Variants in FAM47C observed in about 807,000 individuals in gnomAD.
FAM47C encodes family with sequence similarity 47 member C.
For missense variants in FAM47C, 847 were observed against 879.9 expected, an observed-to-expected ratio of 0.96 and a Z score of 0.47; for synonymous variants, 307 against 346.5, an observed-to-expected ratio of 0.89 and a Z score of 1.27.
Position 37,009,397 on chromosome X carries a change from T to G in FAM47C, c.987T>G (p.His329Gln), listed in dbSNP as rs1927699924. 4 of 1,205,364 alleles carry G rather than the reference T, an allele frequency of 3.3e-6. No individual in the cohort carries two copies. Among genetic ancestry groups the G allele is most frequent in the Non-Finnish European group, 4.5e-6 (4 of 893,650 alleles). ...AGCCTTCTGAGACTGGAGTGTCCCA[T>G]CTCCACCCAGAGCCTCCCAAGACTC... ...RPEPSETGVSHLHPEPPKTLV... is the reference protein window; with the variant it reads ...RPEPSETGVSQLHPEPPKTLV... Residue 329 changes from histidine to glutamine, a missense_variant, in exon 1 of 1, where the codon CAT (histidine) becomes CAG (glutamine). By Grantham distance (24) the His-to-Gln change is conservative. Transcript: ENST00000358047.
Position 37,008,500 on chromosome X carries a change from C to T in FAM47C, c.90C>T (p.Phe30=), listed in dbSNP as rs1556331280. Residue 30 remains phenylalanine, a synonymous_variant, in exon 1 of 1, where the codon TTC becomes TTT. Coordinates refer to ENST00000358047, the MANE Select transcript of FAM47C (RefSeq NM_001013736.3). Reference sequence around the variant, plus strand: ...GTGACAAACCGCCTTCCAAGTACTTCGCGAAGCGCAAGCACAGGCGCCTGA... The same window carrying T: ...GTGACAAACCGCCTTCCAAGTACTTTGCGAAGCGCAAGCACAGGCGCCTGA... ...WYCDKPPSKY[F]AKRKHRRLRF... 8.2e-7 allele frequency: 1 copy of T among 1,212,402 alleles called. No homozygotes were observed. The highest frequency in any genetic ancestry group is 1.1e-6 in the Non-Finnish European group (1 of 895,571).
chrX:37,010,054 A>G lies in FAM47C; in HGVS notation c.1644A>G (p.Pro548=), dbSNP rs73631164. 174,925 of 1,182,584 alleles carry G rather than the reference A, an allele frequency of 0.15. 17,703 individuals carry two copies. The highest frequency in any genetic ancestry group is 0.77 in the African/African-American group (36,855 of 47,849). The change falls in exon 1 of 1, where the codon CCA becomes CCG. Residue 548 remains proline (P), a synonymous_variant. Coordinates refer to ENST00000358047, the MANE Select transcript of FAM47C (RefSeq NM_001013736.3). ...PPESSVSHLR[P]EPPETGVSHL... is the part of the protein sequence containing the mutation. The stretch of plus-strand genomic sequence containing the variant: ...AGAGTAGCGTATCTCATCTCCGCCC[A>G]GAGCCTCCTGAGACTGGAGTGTCCC...
In FAM47C at chrX:37,008,379, A is replaced by G. The variant is rs782195566; in HGVS notation, c.-32A>G. 1.8e-5 allele frequency: 21 copies of G among 1,154,534 alleles called. No homozygotes were observed. Among genetic ancestry groups the G allele is most frequent in the Non-Finnish European group, 2.3e-5 (20 of 865,608 alleles). ...GCGTCAGGGATCAGGAACCGCGGAA[A>G]CTGGAGAGGTGGCACCCCAGCGAGG... is the stretch of plus-strand genomic sequence containing the variant. On this transcript the variant is annotated 5_prime_UTR_variant, in exon 1 of 1. Coordinates refer to ENST00000358047, the MANE Select transcript of FAM47C (RefSeq NM_001013736.3).
rs1556331612 is a variant in FAM47C, at chrX:37,008,956, C to T, written c.546C>T (p.Pro182=). The change falls in exon 1 of 1, where the codon CCC becomes CCT. Residue 182 remains proline, a synonymous_variant. Coordinates refer to ENST00000358047, the MANE Select transcript of FAM47C (RefSeq NM_001013736.3). The stretch of plus-strand genomic sequence containing the variant: ...AACCCACGGAGCCTGGTAAATACCC[C>T]TGTGGGGAATTCTCCCCTCGGCCTC... ...TDEPTEPGKY[P]CGEFSPRPPE... The T allele has an allele frequency of 4.1e-6, 5 of 1,211,835 alleles. No homozygotes were observed. The highest frequency in any genetic ancestry group is 5.6e-6 in the Non-Finnish European group (5 of 895,362).
Position 37,010,699 on chromosome X carries a change from C to T in FAM47C, c.2289C>T (p.Arg763=). Residue 763 remains arginine (R), a synonymous_variant, in exon 1 of 1, where the codon CGC becomes CGT. Transcript: ENST00000358047. ...EPLETRVSHL[R]PEPPETGVSH... ...TTGAGACTCGCGTATCTCATCTCCG[C>T]CCGGAGCCTCCTGAGACTGGAGTGT... The T allele has an allele frequency of 2.5e-6, 3 of 1,210,151 alleles. No individual in the cohort carries two copies. The highest frequency in any genetic ancestry group is 3.4e-6 in the Non-Finnish European group (3 of 895,008).
chrX:37,009,550 G>C lies in FAM47C; in HGVS notation c.1140G>C (p.Pro380=). Residue 380 remains proline (P), a synonymous_variant, in exon 1 of 1, where the codon CCG becomes CCC. Transcript: ENST00000358047. ...PPEAGVSHLC[P]EPPKTRVPPL... is the part of the protein sequence containing the mutation. ...AGGCTGGAGTGTCCCATCTCTGCCC[G>C]GAACCTCCCAAGACTCGCGTACCTC... 2 of 1,194,571 alleles carry C rather than the reference G, an allele frequency of 1.7e-6. No homozygotes were observed. Among genetic ancestry groups the C allele is most frequent in the Non-Finnish European group, 2.3e-6 (2 of 888,845 alleles).
Position 37,011,018 on chromosome X carries a change from A to G in FAM47C, c.2608A>G (p.Ser870Gly), listed in dbSNP as rs782129193. ...DLGVNEESIS[S>G]LFDFTPECRA... ...AGGAGTTAATGAAGAATCCATCAGCAGTCTGTTTGACTTTACCCCTGAGTG... is the reference window on the plus strand; with the variant it reads ...AGGAGTTAATGAAGAATCCATCAGCGGTCTGTTTGACTTTACCCCTGAGTG... Residue 870 changes from serine to glycine, a missense_variant, in exon 1 of 1, where the codon AGT becomes GGT. By Grantham distance (56) the Ser-to-Gly change is moderately conservative (BLOSUM62 0). Coordinates refer to ENST00000358047, the MANE Select transcript of FAM47C (RefSeq NM_001013736.3). 7 of 1,210,816 alleles carry G rather than the reference A, an allele frequency of 5.8e-6. No individual in the cohort carries two copies. The highest frequency in any genetic ancestry group is 7.8e-6 in the Non-Finnish European group (7 of 895,473).
At position 37,009,003 on chromosome X, in the gene FAM47C, T is replaced by TC. The variant is rs781999384; in HGVS notation, c.599dup (p.Glu201GlyfsTer100). 1 of 1,210,810 alleles carries TC rather than the reference T, an allele frequency of 8.3e-7. No individual in the cohort carries two copies. The highest frequency in any genetic ancestry group is 1.1e-6 in the Non-Finnish European group (1 of 895,162). ...CCTCCCGAGACTCGGGTGTCCTGTCTCCCCCCGGAGCCTCCCAAGACTCCG... is the reference window on the plus strand; with the variant it reads ...CCTCCCGAGACTCGGGTGTCCTGTCTCCCCCCCGGAGCCTCCCAAGACTCCG... On this transcript the variant is annotated frameshift_variant, in exon 1 of 1. Transcript: ENST00000358047. LOFTEE classifies it low-confidence loss of function (END_TRUNC).
In FAM47C at chrX:37,011,576, C is replaced by T. The variant is rs1927803922; in HGVS notation, c.*58C>T. 16 of 1,030,587 alleles carry T rather than the reference C, an allele frequency of 1.6e-5. No homozygotes were observed. The highest frequency in any genetic ancestry group is 2.0e-5 in the Non-Finnish European group (15 of 764,606). 84.9% of individuals were successfully genotyped at this position (1,030,587 alleles called of 1,213,427 possible). A position where few individuals can be genotyped will look rare whatever the true frequency, so the allele number is the denominator to read the frequency against. ...TCTTGCTCTCATTTTAAACATCAGT[C>T]AGAATTTATGATGACTGGCCCCAGG... On this transcript the variant is annotated 3_prime_UTR_variant, in exon 1 of 1. Transcript: ENST00000358047.
chrX:37,011,506 G>A lies in FAM47C; in HGVS notation c.3096G>A (p.Ser1032=), dbSNP rs146796397. The change falls in exon 1 of 1, where the codon TCG becomes TCA. Residue 1032 remains serine (S), a synonymous_variant. Transcript: ENST00000358047. ...YKYKEDVTDA[S]EED is the part of the protein sequence containing the mutation. ...ACAAAGAAGACGTCACAGATGCATC[G>A]GAAGAAGATTAGATGGTTTTGAATT... The A allele has an allele frequency of 1.5e-4, 182 of 1,180,023 alleles. 1 individual carries two copies. The highest frequency in any genetic ancestry group is 2.0e-4 in the Non-Finnish European group (172 of 879,516).
rs1927711178 is a variant in FAM47C at position 37,009,603 on chromosome X, G to A, written c.1193G>A (p.Gly398Glu). 5.0e-6 allele frequency: 6 copies of A among 1,204,896 alleles called. No individual in the cohort carries two copies. In the African/African-American group the frequency reaches 1.1e-4, roughly 22 times the overall value. Residue 398 changes from glycine to glutamate, a missense_variant, in exon 1 of 1, where the codon GGA (glycine) becomes GAA (glutamate). By Grantham distance (98) the Gly-to-Glu change is moderately conservative. Coordinates refer to ENST00000358047, the MANE Select transcript of FAM47C (RefSeq NM_001013736.3). ...PPLRPETPKN[G>E]VSPLFPEPPK... is the part of the protein sequence containing the mutation. ...CTCCGCCCAGAGACCCCCAAGAATG[G>A]AGTGTCTCCTCTCTTCCCGGAGCCT...
rs1927782548 is a variant in FAM47C at position 37,010,932 on chromosome X, A to C, written c.2522A>C (p.Asp841Ala). The change falls in exon 1 of 1, where the codon GAC becomes GCC. Residue 841 changes from aspartate to alanine, a missense_variant. Coordinates refer to ENST00000358047, the MANE Select transcript of FAM47C (RefSeq NM_001013736.3). Reference sequence around the variant, plus strand: ...TCAAGCACAATGGAGTGTGTTTCTGACTCTCTTCAACGTAGACACACATCG... The same window carrying C: ...TCAAGCACAATGGAGTGTGTTTCTGCCTCTCTTCAACGTAGACACACATCG... ...GTSSTMECVS[D>A]SLQRRHTSRK... is the part of the protein sequence containing the mutation. 1 of 1,211,490 alleles carries C rather than the reference A, an allele frequency of 8.3e-7. No individual in the cohort carries two copies. The highest frequency in any genetic ancestry group is 1.7e-5 in the African/African-American group (1 of 57,644).
In FAM47C at chrX:37,008,500, C is replaced by G. The variant is rs1556331280; in HGVS notation, c.90C>G (p.Phe30Leu). 4 of 1,211,510 alleles carry G rather than the reference C, an allele frequency of 3.3e-6. No homozygotes were observed. Among genetic ancestry groups the G allele is most frequent in the Non-Finnish European group, 4.5e-6 (4 of 895,425 alleles). The change falls in exon 1 of 1, where the codon TTC becomes TTG. Residue 30 changes from phenylalanine (F) to leucine (L), a missense_variant. By Grantham distance (22) the Phe-to-Leu change is conservative. Transcript: ENST00000358047. ...WYCDKPPSKYFAKRKHRRLRF... is the reference protein window; with the variant it reads ...WYCDKPPSKYLAKRKHRRLRF... ...GTGACAAACCGCCTTCCAAGTACTTCGCGAAGCGCAAGCACAGGCGCCTGA... is the reference window on the plus strand; with the variant it reads ...GTGACAAACCGCCTTCCAAGTACTTGGCGAAGCGCAAGCACAGGCGCCTGA...
At position 37,010,326 on chromosome X, in the gene FAM47C, T is replaced by A; in HGVS notation, c.1916T>A (p.Met639Lys). ...CGCCCAGAGCCTCCCAAGACTCGGA[T>A]GTACAGTCTCCGCCCGGAGCCTCCC... Reference protein sequence around the residue: ...HLRPEPPKTRMYSLRPEPPNT... With the variant: ...HLRPEPPKTRKYSLRPEPPNT... Residue 639 changes from methionine to lysine, a missense_variant, in exon 1 of 1, where the codon ATG becomes AAG. Physicochemically the swap from Met to Lys is moderately conservative, Grantham distance 95 (BLOSUM62 -1). Coordinates refer to ENST00000358047, the MANE Select transcript of FAM47C (RefSeq NM_001013736.3). 3 of 1,186,836 alleles carry A rather than the reference T, an allele frequency of 2.5e-6. No homozygotes were observed. The highest frequency in any genetic ancestry group is 3.4e-6 in the Non-Finnish European group (3 of 888,172).
At position 37,008,844 on chromosome X, in the gene FAM47C, T is replaced by G. The variant is rs782442487; in HGVS notation, c.434T>G (p.Leu145Arg). 10 of 1,210,222 alleles carry G rather than the reference T, an allele frequency of 8.3e-6. No individual in the cohort carries two copies. Among genetic ancestry groups the G allele is most frequent in the African/African-American group, 1.7e-5 (1 of 57,175 alleles). Reference sequence around the variant, plus strand: ...CTGGGAGAAGATATGCCTCCAGATCTCCTACTACAGGTACTGAAACCGCTG... The same window carrying G: ...CTGGGAGAAGATATGCCTCCAGATCGCCTACTACAGGTACTGAAACCGCTG... Reference protein sequence around the residue: ...PNLGEDMPPDLLLQVLKPLDP... With the variant: ...PNLGEDMPPDRLLQVLKPLDP... Residue 145 changes from leucine to arginine, a missense_variant, in exon 1 of 1, where the codon CTC becomes CGC. Coordinates refer to ENST00000358047, the MANE Select transcript of FAM47C (RefSeq NM_001013736.3).
In FAM47C at chrX:37,010,828, T is replaced by C. The variant is rs782056360; in HGVS notation, c.2418T>C (p.Thr806=). The change falls in exon 1 of 1, where the codon ACT becomes ACC. Residue 806 remains threonine (T), a synonymous_variant. Transcript: ENST00000358047. ...GTCTCCGCCTGGAGCCTCCCAAGAC[T>C]GGTCGGGTGTCCAGTCTCTGCCCGG... is the stretch of plus-strand genomic sequence containing the variant. ...VSSLRLEPPK[T]GRVSSLCPEP... is the part of the protein sequence containing the mutation. The C allele has an allele frequency of 7.5e-6, 9 of 1,206,586 alleles. No homozygotes were observed. The highest frequency in any genetic ancestry group is 1.0e-5 in the Non-Finnish European group (9 of 893,998).
At position 37,008,733 on chromosome X, in the gene FAM47C, C is replaced by T. The variant is rs1569416462; in HGVS notation, c.323C>T (p.Ser108Leu). Reference protein sequence around the residue: ...LKKAALFSKLSPAQPARKAFV... With the variant: ...LKKAALFSKLLPAQPARKAFV... ...AAAGCGGCCCTGTTTTCCAAGCTCT[C>T]GCCAGCACAGCCAGCACGGAAGGCG... Residue 108 changes from serine (S) to leucine (L), a missense_variant, in exon 1 of 1, where the codon TCG becomes TTG. Ser to Leu is a moderately radical substitution (Grantham distance 145). Coordinates refer to ENST00000358047, the MANE Select transcript of FAM47C (RefSeq NM_001013736.3). 3.3e-6 allele frequency: 4 copies of T among 1,211,981 alleles called. No individual in the cohort carries two copies. Among genetic ancestry groups the T allele is most frequent in the Non-Finnish European group, 3.3e-6 (3 of 895,531 alleles).
chrX:37,010,024 T>TC lies in FAM47C; in HGVS notation c.1616dup (p.Glu540Ter), dbSNP rs372272981. 2.5e-6 allele frequency: 3 copies of TC among 1,185,902 alleles called. No individual in the cohort carries two copies. In the African/African-American group the frequency reaches 5.8e-5, roughly 23 times the overall value. Reference sequence around the variant, plus strand: ...TGGTGTCCAGTCTCCACCAGGCACCTCCTGAGAGTAGCGTATCTCATCTCC... The same window carrying TC: ...TGGTGTCCAGTCTCCACCAGGCACCTCCCTGAGAGTAGCGTATCTCATCTCC... On this transcript the variant is annotated frameshift_variant, in exon 1 of 1. Coordinates refer to ENST00000358047, the MANE Select transcript of FAM47C (RefSeq NM_001013736.3). LOFTEE classifies it low-confidence loss of function (END_TRUNC).
Position 37,009,825 on chromosome X carries a change from C to G in FAM47C, c.1415C>G (p.Ser472Cys). The G allele has an allele frequency of 8.3e-7, 1 of 1,205,206 alleles. No homozygotes were observed. Among genetic ancestry groups the G allele is most frequent in the Non-Finnish European group, 1.1e-6 (1 of 893,162 alleles). The change falls in exon 1 of 1, where the codon TCC (serine) becomes TGC (cysteine). Residue 472 changes from serine (S) to cysteine (C), a missense_variant. Transcript: ENST00000358047. ...CTGGAGCCTCCTGAGACTGGAGTGTCCCATCTCTGCCCGGAGCCTCCAGAG... is the reference window on the plus strand; with the variant it reads ...CTGGAGCCTCCTGAGACTGGAGTGTGCCATCTCTGCCCGGAGCCTCCAGAG... ...LHLEPPETGV[S>C]HLCPEPPEKD...
Sources: allele counts gnomAD v4.1 joint callset, GRCh38; gene constraint gnomAD v4.1.1; transcripts MANE v1.5; gene names NCBI Gene and HGNC (gene_info 2026-07-23, HGNC 2026-07-21).